The following B4GALT6 variants were observed in gnomAD, a reference collection of about 807,000 sequenced individuals.
The protein encoded by B4GALT6 is beta-1,4-galactosyltransferase 6, also known as UDP-Gal:beta-GlcNAc beta-1,4-galactosyltransferase 6.
In B4GALT6, 14 loss-of-function variants were observed where a neutral mutation model predicts 46.3. The ratio of observed to expected loss-of-function variants is 0.30; its 90% CI spans 0.20 to 0.47. B4GALT6 has a LOEUF of 0.47. B4GALT6 is among the 20% of genes least tolerant of loss of function. The pLI, the probability that B4GALT6 is intolerant of heterozygous loss-of-function variation, is 0.99. For synonymous variants in B4GALT6, 168 were observed against 162.0 expected (o/e 1.04, Z -0.28); for missense variants, 386 against 480.1 (o/e 0.80, Z 1.83).
At chr18:31,654,611 T>C (rs2074115970) in intron 3 of B4GALT6, among the ~76,000 whole-genome samples, 1 of 152,248 alleles carries the variant, frequency 6.6e-6, no homozygotes, top group African/African-American at 2.4e-5. Flanking sequence ...CCAGTGCCAG[T>C]GTTTCCATTG....
the B4GALT6 span, chr18:31,718,834 A>G: frequency 1.3e-5 from 2 of 152,206 alleles, no homozygotes; most frequent in African/African-American, 4.8e-5. Flanking sequence ...TTGATAGCAT[A>G]AGTAGCATTT....
At chr18:31,678,226 T>TAAG (rs2074437230) in intron 1 of B4GALT6, among the ~76,000 whole-genome samples, 1 of 152,126 alleles carries the variant, frequency 6.6e-6, no homozygotes, top group South Asian at 2.1e-4. Context: ...ATCACAGCTT[T>TAAG]AAGAGGCGGT....
chr18:31,657,883 A>G (rs1244770203), intron 3 of B4GALT6, 93 bp downstream of exon 3: 4 of 890,542 alleles, frequency 4.5e-6, no homozygotes, highest in Non-Finnish European at 7.1e-6. Flanking sequence ...CCAGGTGCAC[A>G]TGACCTGCTC....
chr18:31,692,068 A>G, the B4GALT6 span, among the ~76,000 whole-genome samples: 97 of 152,312 alleles, frequency 6.4e-4, 1 homozygote, highest in African/African-American at 2.2e-3. Context: ...AAAAAAATAC[A>G]GTATCTTTTC....
chr18:31,629,482 T>TTTTTTTTTTTTTTTTTTTC (rs2073750239), intron 6 of B4GALT6, among the ~76,000 whole-genome samples: 1 of 127,434 alleles, frequency 7.8e-6, no homozygotes, highest in Non-Finnish European at 1.6e-5. Flanking sequence ...TTTTTTTTTT[T>TTTTTTTTTTTTTTTTTTTC]TGTGAAAATC....
chr18:31,701,270 T>A, the B4GALT6 span, among the ~76,000 whole-genome samples: 8 of 152,248 alleles, frequency 5.3e-5, 1 homozygote, highest in South Asian at 6.2e-4. Flanking sequence ...TGTTGTAAAG[T>A]GTGTAGCACC....
upstream of B4GALT6, among the ~76,000 whole-genome samples, chr18:31,689,028 A>G (rs1337808952): frequency 6.6e-6 from 1 of 152,246 alleles, no homozygotes; most frequent in East Asian, 1.9e-4. Context: ...AAAGTGTACT[A>G]CATGGTACAC....
At chr18:31,711,227 T>A in the B4GALT6 span, among the ~76,000 whole-genome samples, 1 of 152,230 alleles carries the variant, frequency 6.6e-6, no homozygotes, top group African/African-American at 2.4e-5. Context: ...CTCCCAGGAC[T>A]GGTATCCACA....
chr18:31,631,456 G>A (rs775490983), intron 5 of B4GALT6, among the ~76,000 whole-genome samples: 3 of 151,594 alleles, frequency 2.0e-5, no homozygotes, highest in African/African-American at 7.3e-5. Flanking sequence ...TATACTTCAG[G>A]ATTTTCAAAT....
At chr18:31,719,601 T>A in the B4GALT6 span, among the ~76,000 whole-genome samples, 9 of 152,300 alleles carry the variant, frequency 5.9e-5, no homozygotes, top group African/African-American at 2.2e-4. Flanking sequence ...GAAAGAGTAA[T>A]TCATGCAGAG....
intron 1 of B4GALT6, among the ~76,000 whole-genome samples, chr18:31,674,322 AGGAGAG>A (rs1307624593): frequency 6.6e-6 from 1 of 152,208 alleles, no homozygotes; most frequent in Non-Finnish European, 1.5e-5. Context: ...AAGGCCACAG[AGGAGAG>A]GGAGAGACAA....
chr18:31,636,971 C>T (rs2073867116), intron 5 of B4GALT6, among the ~76,000 whole-genome samples: 1 of 152,186 alleles, frequency 6.6e-6, no homozygotes, highest in Non-Finnish European at 1.5e-5. Context: ...CAGGTGCCTG[C>T]CACCATGCCC....
At chr18:31,629,446 G>GTTTTTTTTTTTTTTTTTTTTTTTTTTTTT (rs2073746542) in intron 6 of B4GALT6, among the ~76,000 whole-genome samples, 1 of 35,112 alleles carries the variant, frequency 2.8e-5, no homozygotes, top group South Asian at 1.1e-3. Flanking sequence ...TGCCCTTTAT[G>GTTTTTTTTTTTTTTTTTTTTTTTTTTTTT]ATTTTTTTTT....
chr18:31,658,914 G>C (rs998599702), intron 2 of B4GALT6, among the ~76,000 whole-genome samples: 1 of 152,164 alleles, frequency 6.6e-6, no homozygotes, highest in South Asian at 2.1e-4. Flanking sequence ...CCTGACCCAC[G>C]AGACAGTCAC....
chr18:31,689,876 C>T (rs777994530), upstream of B4GALT6, among the ~76,000 whole-genome samples: 4 of 152,094 alleles, frequency 2.6e-5, no homozygotes, highest in Non-Finnish European at 4.4e-5. Context: ...TTGTGCATAC[C>T]AGCTGGGCAA....
At chr18:31,664,249 G>C (rs1283611952) in intron 2 of B4GALT6, among the ~76,000 whole-genome samples, 1 of 152,132 alleles carries the variant, frequency 6.6e-6, no homozygotes, top group African/African-American at 2.4e-5. Context: ...ACTTTAAGGA[G>C]CCTCCATAAC....
At chr18:31,709,704 C>T in the B4GALT6 span, among the ~76,000 whole-genome samples, 2 of 151,526 alleles carry the variant, frequency 1.3e-5, no homozygotes, top group African/African-American at 4.9e-5. Flanking sequence ...GAAAATGATG[C>T]TCTAAGATAC....
chr18:31,631,513 T>C lies in B4GALT6; in HGVS notation c.589-367A>G, dbSNP rs1255015699. Reference sequence around the variant, plus strand: ...TATATTATTTTATAATTTAATAACATAGAAGAAAACAGTATCTAGTCCATT... The same window carrying C: ...TATATTATTTTATAATTTAATAACACAGAAGAAAACAGTATCTAGTCCATT... On this transcript the variant is annotated intron_variant, in intron 5 of 8. Transcript: ENST00000306851. 5.3e-5 allele frequency among the ~76,000 whole-genome samples: 8 copies of C among 152,102 alleles called. No individual in the cohort carries two copies. The South Asian group carries it at 1.2e-3, about 24-fold the overall frequency.
chr18:31,640,718 C>T (rs982479004), intron 4 of B4GALT6, among the ~76,000 whole-genome samples: 3 of 152,170 alleles, frequency 2.0e-5, no homozygotes, highest in Non-Finnish European at 2.9e-5. Context: ...CCAGCAATAC[C>T]GACCCAACAT....
Sources: allele counts gnomAD v4.1 joint callset (sites outside exome capture counted in the v4.1 genomes callset), GRCh38; gene constraint gnomAD v4.1.1; transcripts MANE v1.5; gene names NCBI Gene and HGNC (gene_info 2026-07-23, HGNC 2026-07-21).